The following SEMA3E variants were observed in gnomAD, a reference collection of about 807,000 sequenced individuals.
The protein encoded by SEMA3E is semaphorin-3E.
Under a neutral mutation model 93.6 loss-of-function variants are expected in SEMA3E, and 49 were observed. That is an observed-to-expected ratio of 0.52 (90% confidence interval 0.42 to 0.66). SEMA3E has a LOEUF of 0.66. SEMA3E is among the 30% of genes least tolerant of loss of function. The pLI, the probability that SEMA3E is intolerant of heterozygous loss-of-function variation, is 0.00. For synonymous variants in SEMA3E, 363 were observed against 330.7 expected, an observed-to-expected ratio of 1.10 and a Z score of -1.06; for missense variants, 906 against 964.8, an observed-to-expected ratio of 0.94 and a Z score of 0.81.
At position 83,586,758 on chromosome 7, in the gene SEMA3E, T is replaced by G. The variant is rs555873278; in HGVS notation, c.115+61670A>C. ...GGTTTTCCTATCCTTGTGTACAGTC[T>G]ATCATTACCCAGCATGCTCCAGCAA... On this transcript the variant is annotated intron_variant, in intron 1 of 16. Transcript: ENST00000643230. Among the ~76,000 whole-genome samples the G allele has an allele frequency of 3.3e-5, 5 of 152,118 alleles. No individual in the cohort carries two copies. In the South Asian group the frequency reaches 1.0e-3, roughly 32 times the overall value.
intron 2 of SEMA3E, among the ~76,000 whole-genome samples, chr7:83,473,868 T>G (rs929528233): frequency 1.3e-5 from 2 of 151,732 alleles, no homozygotes; most frequent in Admixed American, 6.6e-5. Context: ...CCGAGGCGGG[T>G]GGACCACCTG....
At chr7:83,417,294 G>T (rs373668462) in intron 5 of SEMA3E, among the ~76,000 whole-genome samples, 4 of 152,086 alleles carry the variant, frequency 2.6e-5, no homozygotes, top group East Asian at 3.9e-4. Flanking sequence ...CAGATGTAGG[G>T]AATAGAATGC....
At chr7:83,482,510 A>G (rs1475437331) in intron 2 of SEMA3E, among the ~76,000 whole-genome samples, 1 of 140,624 alleles carries the variant, frequency 7.1e-6, no homozygotes, top group African/African-American at 2.7e-5. Flanking sequence ...GCTTGTAGTG[A>G]GCCGAGATTG....
intron 4 of SEMA3E, among the ~76,000 whole-genome samples, chr7:83,427,360 G>C (rs1264570940): frequency 6.6e-6 from 1 of 152,040 alleles, no homozygotes; most frequent in Non-Finnish European, 1.5e-5. Flanking sequence ...TTAGAGCTGA[G>C]GCTTTCTTTC....
At chr7:83,400,504 T>C (rs1788217382) in intron 10 of SEMA3E, among the ~76,000 whole-genome samples, 1 of 152,090 alleles carries the variant, frequency 6.6e-6, no homozygotes, top group South Asian at 2.1e-4. Context: ...CTAAGCCTAG[T>C]TCCCAATAGT....
intron 1 of SEMA3E, among the ~76,000 whole-genome samples, chr7:83,573,690 C>T (rs1193036391): frequency 6.6e-6 from 1 of 151,866 alleles, no homozygotes; most frequent in Non-Finnish European, 1.5e-5. Context: ...GTGTAAGTTT[C>T]CTTGCCTTAC....
chr7:83,507,633 CATG>C (rs1790731932), intron 1 of SEMA3E, among the ~76,000 whole-genome samples: 1 of 151,702 alleles, frequency 6.6e-6, no homozygotes, highest in South Asian at 2.1e-4. Context: ...GGAAAAGAAA[CATG>C]ACAATTAAAA....
At chr7:83,578,488 G>A (rs552616010) in intron 1 of SEMA3E, among the ~76,000 whole-genome samples, 6 of 152,082 alleles carry the variant, frequency 3.9e-5, no homozygotes, top group South Asian at 2.1e-4. Flanking sequence ...CTCAGGAGGC[G>A]GAGGTTGCAG....
At chr7:83,408,320 T>C in intron 6 of SEMA3E, 48 bp downstream of exon 6, 3 of 1,611,570 alleles carry the variant, frequency 1.9e-6, no homozygotes, top group South Asian at 1.1e-5. Context: ...CCGTAAGTTT[T>C]AGAGTTGATT....
At chr7:83,404,860 G>T (rs1353101849) in intron 9 of SEMA3E, among the ~76,000 whole-genome samples, 1 of 151,922 alleles carries the variant, frequency 6.6e-6, no homozygotes, top group Non-Finnish European at 1.5e-5. Flanking sequence ...TTGGAGAACT[G>T]ATTTAAATCA....
intron 7 of SEMA3E, among the ~76,000 whole-genome samples, chr7:83,406,359 C>T (rs1452481082): frequency 6.6e-6 from 1 of 151,820 alleles, no homozygotes; most frequent in Non-Finnish European, 1.5e-5. Flanking sequence ...TGGAGAGATA[C>T]AGTAATCATG....
intron 5 of SEMA3E, among the ~76,000 whole-genome samples, chr7:83,412,500 C>A (rs1427228422): frequency 6.6e-6 from 1 of 152,066 alleles, no homozygotes; most frequent in Non-Finnish European, 1.5e-5. Flanking sequence ...AATCCCAGCA[C>A]TTTGTGCAGC....
intron 4 of SEMA3E, among the ~76,000 whole-genome samples, chr7:83,429,713 C>G (rs1788843776): frequency 6.6e-6 from 1 of 152,146 alleles, no homozygotes; most frequent in Non-Finnish European, 1.5e-5. Context: ...CTCCCCTCTC[C>G]CTCATCCAAT....
At chr7:83,443,260 A>G (rs1034645986) in intron 4 of SEMA3E, among the ~76,000 whole-genome samples, 46 of 152,194 alleles carry the variant, frequency 3.0e-4, no homozygotes, top group African/African-American at 9.9e-4. Flanking sequence ...TAGGACCCCA[A>G]GGGTTGGATT....
intron 1 of SEMA3E, among the ~76,000 whole-genome samples, chr7:83,605,471 C>T (rs572621983): frequency 2.4e-4 from 36 of 151,132 alleles, no homozygotes; most frequent in Non-Finnish European, 4.6e-4. Context: ...TGCTCTGTTG[C>T]CCAGGCTGGA....
At chr7:83,513,936 T>C (rs1790876338) in intron 1 of SEMA3E, among the ~76,000 whole-genome samples, 1 of 152,134 alleles carries the variant, frequency 6.6e-6, no homozygotes, top group Admixed American at 6.5e-5. Context: ...TGGGCTGCAT[T>C]CCCAGATGGT....
intron 1 of SEMA3E, among the ~76,000 whole-genome samples, chr7:83,519,556 G>A (rs552887150): frequency 2.6e-4 from 39 of 151,758 alleles, no homozygotes; most frequent in South Asian, 4.2e-4. Context: ...TTTTCTTCTC[G>A]TCTCCCTAGT....
In SEMA3E at chr7:83,590,243, G is replaced by A. The variant is rs186307473; in HGVS notation, c.115+58185C>T. Among the ~76,000 whole-genome samples the A allele has an allele frequency of 1.7e-3, 258 of 152,182 alleles. 1 individual carries two copies. Among genetic ancestry groups the A allele is most frequent in the African/African-American group, 6.0e-3 (248 of 41,530 alleles). On this transcript the variant is annotated intron_variant, in intron 1 of 16. Coordinates refer to ENST00000643230, the MANE Select transcript of SEMA3E (RefSeq NM_012431.3). ...TTCTAGAGTTAACTTTAGATTTACTGTGTATCATTCTAGGCAACTTTCTAT... is the reference window on the plus strand; with the variant it reads ...TTCTAGAGTTAACTTTAGATTTACTATGTATCATTCTAGGCAACTTTCTAT...
intron 1 of SEMA3E, among the ~76,000 whole-genome samples, chr7:83,622,387 G>A (rs915580956): frequency 3.9e-5 from 6 of 152,192 alleles, no homozygotes; most frequent in African/African-American, 1.4e-4. Flanking sequence ...TAGTGGAAAT[G>A]TAAATTAGTT....
Sources: allele counts gnomAD v4.1 joint callset (sites outside exome capture counted in the v4.1 genomes callset), GRCh38; gene constraint gnomAD v4.1.1; transcripts MANE v1.5; gene names NCBI Gene and HGNC (gene_info 2026-07-23, HGNC 2026-07-21).